The following RIC1 variants were observed in gnomAD, a reference collection of about 807,000 sequenced individuals.
RIC1 encodes the protein guanine nucleotide exchange factor subunit RIC1.
Under a neutral mutation model 169.0 loss-of-function variants are expected in RIC1, and 88 were observed. That is an observed-to-expected ratio of 0.52 (90% CI 0.44 to 0.62). The LOEUF (loss-of-function observed/expected upper bound fraction) is 0.62. RIC1 is among the 20% of genes least tolerant of loss of function. The pLI is 0.00. For synonymous variants in RIC1, 790 were observed against 601.5 expected (o/e 1.31, Z -4.59); for missense variants, 1,877 against 1,725.5 (o/e 1.09, Z -1.56).
At chr9:5,771,059 G>C (rs1027025389) in intron 23 of RIC1, among the ~76,000 whole-genome samples, 1 of 152,062 alleles carries the variant, frequency 6.6e-6, no homozygotes, top group African/African-American at 2.4e-5. Flanking sequence ...CATTAGTTTT[G>C]TTTTAAATTG....
chr9:5,703,573 T>C (rs916312091), intron 3 of RIC1, among the ~76,000 whole-genome samples: 11 of 152,242 alleles, frequency 7.2e-5, no homozygotes, highest in African/African-American at 2.7e-4. Flanking sequence ...ATAAATATAA[T>C]ACAGCATGTA....
chr9:5,756,689 C>G (rs1272816399), intron 16 of RIC1, among the ~76,000 whole-genome samples: 1 of 151,996 alleles, frequency 6.6e-6, no homozygotes, highest in Non-Finnish European at 1.5e-5. Context: ...TCCTGGTGCT[C>G]TCGATACTTG....
chr9:5,704,471 C>G (rs541731061), intron 3 of RIC1, among the ~76,000 whole-genome samples: 4 of 152,260 alleles, frequency 2.6e-5, no homozygotes, highest in South Asian at 4.2e-4. Context: ...CTTGGCCCCC[C>G]AAAGTGCTGG....
intron 8 of RIC1, among the ~76,000 whole-genome samples, chr9:5,740,184 C>G (rs772193417): frequency 1.3e-5 from 2 of 152,172 alleles, no homozygotes; most frequent in African/African-American, 4.8e-5. Flanking sequence ...TATAGAGTCA[C>G]TAAACTCCTT....
At chr9:5,771,126 A>T (rs1398349036) in intron 23 of RIC1, among the ~76,000 whole-genome samples, 1 of 152,200 alleles carries the variant, frequency 6.6e-6, no homozygotes, top group Non-Finnish European at 1.5e-5. Context: ...TGTAGTGTTA[A>T]TTATGCCCAC....
At chr9:5,733,393 A>C (rs1824492917) in intron 7 of RIC1, among the ~76,000 whole-genome samples, 1 of 151,274 alleles carries the variant, frequency 6.6e-6, no homozygotes, top group African/African-American at 2.4e-5. Flanking sequence ...CCTCCCGAGT[A>C]GCTGGGACTG....
At chr9:5,666,508 T>TG (rs1274456345) in intron 2 of RIC1, among the ~76,000 whole-genome samples, 1 of 152,194 alleles carries the variant, frequency 6.6e-6, no homozygotes, top group Non-Finnish European at 1.5e-5. Context: ...TTGAGTATAA[T>TG]GTTGGCTTTA....
intron 2 of RIC1, among the ~76,000 whole-genome samples, chr9:5,688,172 G>A (rs1821364531): frequency 7.1e-6 from 1 of 140,572 alleles, no homozygotes; most frequent in South Asian, 2.6e-4. Context: ...ATCTGATTGA[G>A]TTATGCATTG....
At chr9:5,729,222 G>C (rs1236037078) in intron 6 of RIC1, among the ~76,000 whole-genome samples, 1 of 152,170 alleles carries the variant, frequency 6.6e-6, no homozygotes, top group Non-Finnish European at 1.5e-5. Context: ...GGTGGAGGTG[G>C]TAGGGGTGGG....
At position 5,772,723 on chromosome 9, in the gene RIC1, A is replaced by AATTT; in HGVS notation, c.3778_3779insTTAT (p.Ser1260PhefsTer30). ...GAGTTGGCCAGTAAAGGGCCTCATAAATCCCAGGTCCAGCTTCGGTGAGTT... is the reference window on the plus strand; with the variant it reads ...GAGTTGGCCAGTAAAGGGCCTCATAAATTTATCCCAGGTCCAGCTTCGGTGAGTT... On this transcript the variant is annotated frameshift_variant, in exon 24 of 26. Transcript: ENST00000414202. LOFTEE classifies it high-confidence loss of function. The AATTT allele has an allele frequency of 6.2e-7, 1 of 1,607,612 alleles. No individual in the cohort carries two copies. Among genetic ancestry groups the AATTT allele is most frequent in the Non-Finnish European group, 8.5e-7 (1 of 1,177,968 alleles).
In RIC1 at chr9:5,769,218, C is replaced by G. The variant is rs774119391; in HGVS notation, c.3386C>G (p.Ser1129Cys). Reference sequence around the variant, plus strand: ...CCACTTCCAATCATCCCAGCCTCTTCTATCAGTTCTCCTTTCAAAAATGGA... The same window carrying G: ...CCACTTCCAATCATCCCAGCCTCTTGTATCAGTTCTCCTTTCAAAAATGGA... Reference protein sequence around the residue: ...LWPLPIIPASSISSPFKNGKY... With the variant: ...LWPLPIIPASCISSPFKNGKY... Residue 1129 changes from serine to cysteine, a missense_variant, in exon 22 of 26, where the codon TCT becomes TGT. Around this residue, in one of 3 missense-constraint regions of RIC1, gnomAD observed 681 missense variants for 582.0 expected, o/e 1.17. Transcript: ENST00000414202. The G allele has an allele frequency of 6.2e-7, 1 of 1,614,146 alleles. No individual in the cohort carries two copies. Among genetic ancestry groups the G allele is most frequent in the Non-Finnish European group, 8.5e-7 (1 of 1,179,984 alleles).
chr9:5,650,441 G>T (rs1469193406), intron 1 of RIC1, among the ~76,000 whole-genome samples: 1 of 152,016 alleles, frequency 6.6e-6, no homozygotes, highest in Non-Finnish European at 1.5e-5. Context: ...GAGTGCTCAG[G>T]TAGCAACAGT....
Position 5,757,310 on chromosome 9 carries a change from C to T in RIC1, c.1854-3C>T, listed in dbSNP as rs758336117. The T allele has an allele frequency of 4.3e-6, 7 of 1,613,428 alleles. No individual in the cohort carries two copies. The highest frequency in any genetic ancestry group is 1.3e-5 in the African/African-American group (1 of 74,880). ...GGTATGTGGGTTTCTTTTGTTTTTA[C>T]AGTCCAAATACTACTGCTGGTATTC... On this transcript the variant is annotated splice_polypyrimidine_tract_variant and splice_region_variant and intron_variant, in intron 16 of 25. Transcript: ENST00000414202.
chr9:5,694,452 G>A (rs1322361215), intron 3 of RIC1, among the ~76,000 whole-genome samples: 1 of 151,992 alleles, frequency 6.6e-6, no homozygotes, highest in African/African-American at 2.4e-5. Context: ...TTTTTGTTCT[G>A]CTTGAGCCTC....
intron 1 of RIC1, among the ~76,000 whole-genome samples, chr9:5,653,536 G>A (rs1234166301): frequency 1.3e-5 from 2 of 152,148 alleles, no homozygotes; most frequent in Admixed American, 1.3e-4. Flanking sequence ...TATTGTGACA[G>A]TATTGAGTCT....
intron 1 of RIC1, among the ~76,000 whole-genome samples, chr9:5,635,113 G>C (rs972088381): frequency 6.6e-6 from 1 of 152,076 alleles, no homozygotes; most frequent in Non-Finnish European, 1.5e-5. Flanking sequence ...TTAGCATCCT[G>C]AGTAGCTGGG....
chr9:5,721,707 A>G (rs997594067), intron 6 of RIC1, among the ~76,000 whole-genome samples: 3 of 152,132 alleles, frequency 2.0e-5, no homozygotes, highest in Non-Finnish European at 4.4e-5. Context: ...CTCTGTCAGT[A>G]TAATTATTTT....
Position 5,654,873 on chromosome 9 carries a change from C to T in RIC1, c.145-1710C>T, listed in dbSNP as rs142472502. On this transcript the variant is annotated intron_variant, in intron 1 of 25. Transcript: ENST00000414202. ...TGGCCTGCAAATGTGTTTATAATGACAAATTCCACTTTTTTATTGCTGGTA... is the reference window on the plus strand; with the variant it reads ...TGGCCTGCAAATGTGTTTATAATGATAAATTCCACTTTTTTATTGCTGGTA... Among the ~76,000 whole-genome samples, 17 of 152,138 alleles carry T rather than the reference C, an allele frequency of 1.1e-4. No homozygotes were observed. In the East Asian group the frequency reaches 3.3e-3, roughly 29 times the overall value.
intron 4 of RIC1, among the ~76,000 whole-genome samples, chr9:5,714,418 A>G (rs1823115151): frequency 6.6e-6 from 1 of 152,166 alleles, no homozygotes. Context: ...TCCAAGTATG[A>G]ATAAAGGTTT....
Sources: allele counts gnomAD v4.1 joint callset (sites outside exome capture counted in the v4.1 genomes callset), GRCh38; gene constraint gnomAD v4.1.1; regional missense constraint gnomAD v4.1.1; transcripts MANE v1.5; gene names NCBI Gene and HGNC (gene_info 2026-07-23, HGNC 2026-07-21).